The following MPRIP variants were observed in gnomAD, a reference collection of about 807,000 sequenced individuals.
MPRIP encodes myosin phosphatase Rho interacting protein.
Under a neutral mutation model 234.9 loss-of-function variants are expected in MPRIP, and 59 were observed. The ratio of observed to expected loss-of-function variants is 0.25; its 90% confidence interval spans 0.20 to 0.31. MPRIP has a LOEUF of 0.31. Ranked by LOEUF, MPRIP falls within the 10% of genes least tolerant of loss-of-function variation. The pLI is 1.00. For synonymous variants in MPRIP, 1,144 were observed against 1,263.9 expected (o/e 0.91, Z 2.01); for missense variants, 2,436 against 3,071.0 (o/e 0.79, Z 4.89).
Position 17,158,901 on chromosome 17 carries a change from C to T in MPRIP, c.2299C>T (p.Arg767Trp), listed in dbSNP as rs778726674. The T allele has an allele frequency of 1.4e-5, 22 of 1,612,334 alleles. No homozygotes were observed. Among genetic ancestry groups the T allele is most frequent in the Middle Eastern group, 1.8e-4 (1 of 5,592 alleles). The change falls in exon 14 of 24, where the codon CGG (arginine) becomes TGG (tryptophan). Residue 767 changes from arginine to tryptophan, a missense_variant. By Grantham distance (101) the Arg-to-Trp change is moderately radical (BLOSUM62 -3). Around this residue, in one of 4 missense-constraint regions of MPRIP, gnomAD observed 1,998 missense variants for 2,520.3 expected, o/e 0.79. Transcript: ENST00000651222. ...GCATCAGGTGGAGACCACACCTCTC[C>T]GGGAAGAGAAGCAGGTGCCCATCGC... ...RWHQVETTPL[R>W]EEKQVPIAPV...
chr17:17,179,961 A>G (rs767118782), intron 22 of MPRIP, 42 bp from the exon 23 acceptor site: 1 of 1,515,496 alleles, frequency 6.6e-7, no homozygotes, highest in South Asian at 1.2e-5. Flanking sequence ...GGTTTTAGAA[A>G]GCAAAGGTAA....
At chr17:17,179,298 TTA>T (rs2046323727) in intron 22 of MPRIP, among the ~76,000 whole-genome samples, 1 of 151,748 alleles carries the variant, frequency 6.6e-6, no homozygotes, top group African/African-American at 2.4e-5. Context: ...AATACAAAAA[TTA>T]GCTGGACATG....
At chr17:17,107,502 T>G (rs1481571476) in intron 3 of MPRIP, among the ~76,000 whole-genome samples, 3 of 152,226 alleles carry the variant, frequency 2.0e-5, no homozygotes, top group African/African-American at 7.2e-5. Context: ...CTTGTGAGCC[T>G]GACACTGTTG....
chr17:17,101,766 A>G (rs1225655413), intron 3 of MPRIP, among the ~76,000 whole-genome samples: 2 of 152,208 alleles, frequency 1.3e-5, no homozygotes, highest in Non-Finnish European at 2.9e-5. Flanking sequence ...TAGGGTAGGT[A>G]CTGCTATGGC....
rs1170511900 is a variant in MPRIP, at chr17:17,164,372, G to C, written c.2781G>C (p.Leu927=). The C allele has an allele frequency of 7.7e-7, 1 of 1,296,148 alleles. No individual in the cohort carries two copies. The highest frequency in any genetic ancestry group is 1.0e-6 in the Non-Finnish European group (1 of 987,434). The allele number at this position is 1,296,148 out of a possible 1,614,324, so 80.3% of individuals were successfully genotyped here. Residue 927 remains leucine, a synonymous_variant, in exon 16 of 24, where the codon CTG becomes CTC. Transcript: ENST00000651222. ...EQALAKLKGD[L]KREQGRVREQ... ...CGCTGGCCAAGCTCAAGGGCGACCT[G>C]AAGCGGGAGCAGGGCCGGGTCCGCG...
At chr17:17,046,292 T>G (rs185263811) in intron 1 of MPRIP, among the ~76,000 whole-genome samples, 1 of 152,358 alleles carries the variant, frequency 6.6e-6, no homozygotes, top group East Asian at 1.9e-4. Flanking sequence ...TCCTTATTGA[T>G]AGACATCAAG....
intron 3 of MPRIP, among the ~76,000 whole-genome samples, chr17:17,105,595 A>T (rs1005184630): frequency 6.6e-6 from 1 of 152,168 alleles, no homozygotes; most frequent in Non-Finnish European, 1.5e-5. Context: ...GAGTCAGGCC[A>T]CTGAGGCAGA....
chr17:17,171,607 C>G, intron 16 of MPRIP, 111 bp from the exon 17 acceptor site: 1 of 1,383,140 alleles, frequency 7.2e-7, no homozygotes, highest in Non-Finnish European at 9.8e-7. Context: ...CAGTGAATGC[C>G]CAGTCACAGC....
intron 6 of MPRIP, among the ~76,000 whole-genome samples, chr17:17,137,678 G>A (rs540100195): frequency 6.6e-6 from 1 of 152,286 alleles, no homozygotes; most frequent in South Asian, 2.1e-4. Flanking sequence ...GTCTGGCTGA[G>A]AGGCAGCCAG....
intron 3 of MPRIP, chr17:17,096,696 A>G: frequency 2.1e-6 from 1 of 467,184 alleles, no homozygotes; most frequent in Non-Finnish European, 4.4e-6. Flanking sequence ...ACCATCAGGC[A>G]GATCTGGGGC....
rs1381794577 is a variant in MPRIP, at chr17:17,189,047, A to G, written c.*4153A>G. 6.6e-6 allele frequency: 1 copy of G among 150,978 alleles called. No individual in the cohort carries two copies. The highest frequency in any genetic ancestry group is 1.9e-4 in the East Asian group (1 of 5,194). The allele number at this position is 150,978 out of a possible 1,614,324, so 9.4% of individuals were successfully genotyped here. ...TTGGGTAAGTTCTAAGACAGTTCGC[A>G]CTTAGAAAAGAATGTGACACATCAA... On this transcript the variant is annotated 3_prime_UTR_variant, in exon 24 of 24. Coordinates refer to ENST00000651222, the MANE Select transcript of MPRIP (RefSeq NM_001364716.4).
At chr17:17,146,846 C>T (rs2045476937) in intron 10 of MPRIP, among the ~76,000 whole-genome samples, 1 of 152,278 alleles carries the variant, frequency 6.6e-6, no homozygotes, top group Admixed American at 6.5e-5. Context: ...TTCCTTACTG[C>T]TCACAGTGAA....
At chr17:17,112,854 C>T (rs536914914) in intron 3 of MPRIP, among the ~76,000 whole-genome samples, 1 of 152,220 alleles carries the variant, frequency 6.6e-6, no homozygotes. Context: ...CTGAGTAGCA[C>T]GCGGGCCTTG....
intron 1 of MPRIP, among the ~76,000 whole-genome samples, chr17:17,072,168 G>C (rs1193045542): frequency 6.6e-6 from 1 of 152,374 alleles, no homozygotes; most frequent in East Asian, 1.9e-4. Context: ...GTGGTCTGCT[G>C]TGCGGGGGAG....
In MPRIP at chr17:17,188,338, CAA is replaced by C. The variant is rs893472228; in HGVS notation, c.*3445_*3446del. Reference sequence around the variant, plus strand: ...ATCGCGAATTTGCAGGTTTATTGAACAAGAGGTAACATCGGAGAGGATCTTGC... The same window carrying C: ...ATCGCGAATTTGCAGGTTTATTGAACGAGGTAACATCGGAGAGGATCTTGC... On this transcript the variant is annotated 3_prime_UTR_variant, in exon 24 of 24. Transcript: ENST00000651222. 3 of 152,292 alleles carry C rather than the reference CAA, an allele frequency of 2.0e-5. No homozygotes were observed. Among genetic ancestry groups the C allele is most frequent in the Admixed American group, 6.5e-5 (1 of 15,278 alleles). The allele number at this position is 152,292 out of a possible 1,614,324, so 9.4% of individuals were successfully genotyped here.
chr17:17,075,634 G>T, intron 1 of MPRIP, 76 bp from the exon 2 acceptor site: 2 of 1,245,978 alleles, frequency 1.6e-6, no homozygotes, highest in Admixed American at 3.4e-5. Context: ...TCCAGCGAGT[G>T]CTTGCTGTTA....
At chr17:17,073,728 G>A (rs2144027311) in intron 1 of MPRIP, among the ~76,000 whole-genome samples, 1 of 152,294 alleles carries the variant, frequency 6.6e-6, no homozygotes, top group African/African-American at 2.4e-5. Context: ...GGTGGGGTGT[G>A]GAGAGGCCGA....
intron 1 of MPRIP, among the ~76,000 whole-genome samples, chr17:17,052,287 G>T (rs1304133773): frequency 6.6e-6 from 1 of 152,142 alleles, no homozygotes; most frequent in Non-Finnish European, 1.5e-5. Context: ...TAGTGTTTTT[G>T]TTTGGCCCCG....
intron 3 of MPRIP, among the ~76,000 whole-genome samples, chr17:17,093,089 A>G (rs1274076717): frequency 6.6e-6 from 1 of 152,208 alleles, no homozygotes; most frequent in Admixed American, 6.5e-5. Flanking sequence ...ACGGGTGGCA[A>G]CGGCCATGCT....
Sources: gnomAD v4.1 joint callset for allele counts (sites outside exome capture counted in the v4.1 genomes callset) on GRCh38, gnomAD v4.1.1 for gene constraint, gnomAD v4.1.1 regional missense constraint, MANE v1.5 for transcripts, NCBI Gene and HGNC (gene_info 2026-07-23, HGNC 2026-07-21) for gene names.